The following STARD13 variants were observed in gnomAD, a reference collection of about 807,000 sequenced individuals.
STARD13 encodes the protein stAR-related lipid transfer protein 13.
Under a neutral mutation model 106.4 loss-of-function variants are expected in STARD13, and 62 were observed. The ratio of observed to expected loss-of-function variants is 0.58; its 90% confidence interval spans 0.48 to 0.72. STARD13 has a LOEUF of 0.72. Among genes scored for constraint, STARD13 ranks in the 30% least tolerant of loss-of-function variants. The pLI, the probability that STARD13 is intolerant of heterozygous loss-of-function variation, is 0.00. For missense variants in STARD13, 1,387 were observed against 1,424.0 expected, an observed-to-expected ratio of 0.97 and a Z score of 0.42; for synonymous variants, 565 against 553.0, an observed-to-expected ratio of 1.02 and a Z score of -0.31.
chr13:33,541,543 C>CA, the STARD13 span, among the ~76,000 whole-genome samples: 3 of 152,140 alleles, frequency 2.0e-5, no homozygotes, highest in East Asian at 1.9e-4. Context: ...ACGGTTTTAG[C>CA]AAAAAACAAT....
At chr13:33,321,979 A>T (rs1291336309) in intron 1 of STARD13, among the ~76,000 whole-genome samples, 1 of 152,208 alleles carries the variant, frequency 6.6e-6, no homozygotes, top group African/African-American at 2.4e-5. Context: ...TAAAAATCAG[A>T]GTCTGCGTCC....
intron 2 of STARD13, among the ~76,000 whole-genome samples, chr13:33,166,454 C>T (rs979676918): frequency 1.3e-5 from 2 of 152,048 alleles, no homozygotes; most frequent in Admixed American, 6.6e-5. Flanking sequence ...GACAGCTGTG[C>T]CACTACAAGC....
chr13:33,142,038 T>C (rs1307539768), intron 4 of STARD13, among the ~76,000 whole-genome samples: 2 of 152,182 alleles, frequency 1.3e-5, no homozygotes, highest in African/African-American at 2.4e-5. Context: ...CGTTGCTTTT[T>C]TGTTTTTGGA....
chr13:33,347,812 G>A (rs1180192461), downstream of STARD13, among the ~76,000 whole-genome samples: 3 of 152,156 alleles, frequency 2.0e-5, no homozygotes, highest in South Asian at 4.2e-4. Flanking sequence ...AGTGATGCGT[G>A]CTGTGGTTGG....
At chr13:33,109,775 G>T (rs1874259985) in intron 12 of STARD13, 98 bp downstream of exon 12, 4 of 1,141,214 alleles carry the variant, frequency 3.5e-6, no homozygotes, top group Non-Finnish European at 3.9e-6. Context: ...CCCCGTGGAG[G>T]CTGGACTTTG....
intron 1 of STARD13, among the ~76,000 whole-genome samples, chr13:33,320,434 G>A (rs1226617125): frequency 1.3e-5 from 2 of 152,128 alleles, no homozygotes; most frequent in African/African-American, 4.8e-5. Flanking sequence ...AAATGGTTTG[G>A]AAATTTGATA....
chr13:33,367,743 T>C, the STARD13 span, among the ~76,000 whole-genome samples: 40 of 151,974 alleles, frequency 2.6e-4, no homozygotes, highest in Admixed American at 5.9e-4. Flanking sequence ...TTATATAATG[T>C]AAATCAATTA....
At chr13:33,284,114 T>C (rs1357837872) in intron 1 of STARD13, among the ~76,000 whole-genome samples, 1 of 152,204 alleles carries the variant, frequency 6.6e-6, no homozygotes, top group Non-Finnish European at 1.5e-5. Context: ...TTTTTAAATC[T>C]AGCCACAGGG....
In STARD13 at chr13:33,110,928, A is replaced by G. The variant is rs1270939380; in HGVS notation, c.2608-21T>C. On this transcript the variant is annotated intron_variant, in intron 10 of 13. Transcript: ENST00000336934. ...GGAACCTAGACCAACGGATGCATGA[A>G]AGGGCAACACACTGAGCCAAAGAAA... 7 of 1,598,546 alleles carry G rather than the reference A, an allele frequency of 4.4e-6. No homozygotes were observed. The South Asian group carries it at 7.7e-5, about 18-fold the overall frequency.
the STARD13 span, among the ~76,000 whole-genome samples, chr13:33,484,501 C>A: frequency 6.6e-6 from 1 of 152,092 alleles, no homozygotes; most frequent in African/African-American, 2.4e-5. Flanking sequence ...GGTCCTGTAG[C>A]CCCCACCCAG....
Position 33,266,925 on chromosome 13 carries a change from G to C in STARD13, c.169+18545C>G, listed in dbSNP as rs540004015. On this transcript the variant is annotated intron_variant, in intron 1 of 13. Coordinates refer to ENST00000336934, the MANE Select transcript of STARD13 (RefSeq NM_178006.4). ...TTGAACAAATATTTGTTGAGATATT[G>C]ACTAGGCTAGGTTCTCCAATAGAAG... is the stretch of plus-strand genomic sequence containing the variant. Among the ~76,000 whole-genome samples the C allele has an allele frequency of 2.6e-5, 4 of 152,328 alleles. No individual in the cohort carries two copies. The East Asian group carries it at 7.7e-4, about 29-fold the overall frequency.
the STARD13 span, among the ~76,000 whole-genome samples, chr13:33,662,069 T>C: frequency 5.3e-5 from 8 of 152,034 alleles, no homozygotes; most frequent in Non-Finnish European, 1.0e-4. Flanking sequence ...GAGACCATCC[T>C]GGCTAACACG....
At chr13:33,248,068 A>G (rs984493389) in intron 1 of STARD13, among the ~76,000 whole-genome samples, 2 of 152,204 alleles carry the variant, frequency 1.3e-5, no homozygotes, top group Non-Finnish European at 2.9e-5. Context: ...TTACATTTCT[A>G]TTATTGTCTT....
chr13:33,639,195 A>G, the STARD13 span, among the ~76,000 whole-genome samples: 1 of 152,170 alleles, frequency 6.6e-6, no homozygotes, highest in African/African-American at 2.4e-5. Flanking sequence ...GAAGAGTTGG[A>G]GAGTTAACAG....
intron 1 of STARD13, among the ~76,000 whole-genome samples, chr13:33,258,209 A>G (rs1054990251): frequency 3.9e-5 from 6 of 152,212 alleles, no homozygotes; most frequent in African/African-American, 1.4e-4. Flanking sequence ...TCTGGTTGCC[A>G]TGGAGAATTG....
upstream of STARD13, among the ~76,000 whole-genome samples, chr13:33,287,411 G>A (rs1255312007): frequency 6.6e-6 from 1 of 152,152 alleles, no homozygotes. Flanking sequence ...CTCTTCGGGT[G>A]GTTACACAAG....
At chr13:33,139,770 A>C (rs1879570287) in intron 4 of STARD13, among the ~76,000 whole-genome samples, 1 of 151,640 alleles carries the variant, frequency 6.6e-6, no homozygotes, top group African/African-American at 2.4e-5. Flanking sequence ...ATTTTTTCAC[A>C]GTAAAATAAG....
chr13:33,583,830 G>A, the STARD13 span, among the ~76,000 whole-genome samples: 4 of 145,514 alleles, frequency 2.7e-5, no homozygotes, highest in Admixed American at 2.8e-4. Context: ...ATGGAATCTC[G>A]CTCAGCACCA....
chr13:33,214,738 A>G (rs1250293744), intron 1 of STARD13, among the ~76,000 whole-genome samples: 1 of 120,136 alleles, frequency 8.3e-6, no homozygotes, highest in African/African-American at 3.2e-5. Flanking sequence ...ACACACACAC[A>G]TCCCCTGCAA....
Sources: gnomAD v4.1 joint callset for allele counts (sites outside exome capture counted in the v4.1 genomes callset) on GRCh38, gnomAD v4.1.1 for gene constraint, MANE v1.5 for transcripts, NCBI Gene and HGNC (gene_info 2026-07-23, HGNC 2026-07-21) for gene names.